NBEAL1: variants seen among roughly 807,000 people sequenced by gnomAD.
NBEAL1 encodes neurobeachin like 1.
In NBEAL1, 273 loss-of-function variants were observed where a neutral mutation model predicts 351.3. That is an observed-to-expected ratio of 0.78 (90% CI 0.70 to 0.86). NBEAL1 has a LOEUF of 0.86. Among genes scored for constraint, NBEAL1 ranks in the 40% least tolerant of loss-of-function variants. The pLI is 0.00. For missense variants in NBEAL1, 2,961 were observed against 3,201.3 expected (o/e 0.92, Z 1.81); for synonymous variants, 1,050 against 1,086.4 (o/e 0.97, Z 0.66).
At chr2:203,104,575 A>T (rs2062393649) in intron 12 of NBEAL1, among the ~76,000 whole-genome samples, 2 of 152,238 alleles carry the variant, frequency 1.3e-5, no homozygotes, top group South Asian at 4.1e-4. Context: ...ATTTGATCCT[A>T]CTGCCATATT....
At chr2:203,133,183 G>A (rs2063114672) in intron 27 of NBEAL1, 37 bp downstream of exon 27, 3 of 892,142 alleles carry the variant, frequency 3.4e-6, no homozygotes, top group Non-Finnish European at 5.1e-6. Flanking sequence ...AATGATAGCA[G>A]CATCACCATC....
At chr2:203,090,405 T>C (rs1251582101) in intron 10 of NBEAL1, among the ~76,000 whole-genome samples, 2 of 152,202 alleles carry the variant, frequency 1.3e-5, no homozygotes, top group Non-Finnish European at 2.9e-5. Flanking sequence ...TGTTCATGTG[T>C]ACCCATTGAT....
intron 2 of NBEAL1, among the ~76,000 whole-genome samples, chr2:203,036,911 G>A (rs1320739397): frequency 6.7e-6 from 1 of 148,952 alleles, no homozygotes; most frequent in South Asian, 2.1e-4. Flanking sequence ...CTGCTGTATC[G>A]GAGAGGAACA....
chr2:203,202,169 A>T (rs1650148630), intron 50 of NBEAL1, among the ~76,000 whole-genome samples: 1 of 152,166 alleles, frequency 6.6e-6, no homozygotes, highest in African/African-American at 2.4e-5. Context: ...TTTCTAATAA[A>T]CCTGTTAGGG....
intron 44 of NBEAL1, among the ~76,000 whole-genome samples, chr2:203,186,197 A>G (rs1316200428): frequency 6.6e-6 from 1 of 152,182 alleles, no homozygotes; most frequent in Non-Finnish European, 1.5e-5. Flanking sequence ...TCTGGCAGCA[A>G]CTCAGATTTG....
chr2:203,198,490 G>A (rs548662178), intron 48 of NBEAL1, among the ~76,000 whole-genome samples: 2 of 152,078 alleles, frequency 1.3e-5, no homozygotes, highest in African/African-American at 4.8e-5. Context: ...TGGTAAGACT[G>A]GTCCCTGAAT....
At chr2:203,098,510 A>G (rs1197721439) in intron 11 of NBEAL1, among the ~76,000 whole-genome samples, 5 of 152,188 alleles carry the variant, frequency 3.3e-5, no homozygotes, top group Non-Finnish European at 7.4e-5. Context: ...TTACAATTCC[A>G]AATTGTAAGT....
chr2:203,171,416 G>A (rs536109099), intron 39 of NBEAL1, among the ~76,000 whole-genome samples: 1 of 152,208 alleles, frequency 6.6e-6, no homozygotes, highest in South Asian at 2.1e-4. Flanking sequence ...ACCAGCCTGG[G>A]CAACAAAGCA....
chr2:203,168,958 G>A, intron 38 of NBEAL1, among the ~76,000 whole-genome samples: 1 of 148,068 alleles, frequency 6.8e-6, no homozygotes. Flanking sequence ...GAAACTATAA[G>A]TGAATTTTAT....
At chr2:203,070,652 G>C (rs571733525) in intron 7 of NBEAL1, among the ~76,000 whole-genome samples, 6 of 152,282 alleles carry the variant, frequency 3.9e-5, no homozygotes, top group Admixed American at 3.9e-4. Context: ...CTCTGCTTCT[G>C]GGGAAGCCTC....
Position 203,201,693 on chromosome 2 carries a change from C to G in NBEAL1, c.7389C>G (p.Ile2463Met), listed in dbSNP as rs757817387. 13 of 1,602,740 alleles carry G rather than the reference C, an allele frequency of 8.1e-6. No homozygotes were observed. In the East Asian group the frequency reaches 2.9e-4, roughly 36 times the overall value. Reference sequence around the variant, plus strand: ...TGTCACTTACAAAAGGCAAAATTATCTCACACATCATCCGGCATATGGGTA... The same window carrying G: ...TGTCACTTACAAAAGGCAAAATTATGTCACACATCATCCGGCATATGGGTA... ...QVMSLTKGKI[I>M]SHIIRHMDIV... Residue 2463 changes from isoleucine to methionine, a missense_variant, in exon 50 of 56, where the codon ATC (isoleucine) becomes ATG (methionine). Transcript: ENST00000683969.
In NBEAL1 at chr2:203,028,510, A is replaced by C. The variant is rs536019540; in HGVS notation, c.51+12075A>C. On this transcript the variant is annotated intron_variant, in intron 2 of 55. Transcript: ENST00000683969. The stretch of plus-strand genomic sequence containing the variant: ...CTTTATGGATGTGTAAATTAATTAC[A>C]TTTACTACTACAAATTATTAATATA... Among the ~76,000 whole-genome samples the C allele has an allele frequency of 1.1e-4, 17 of 151,884 alleles. No individual in the cohort carries two copies. In the South Asian group the frequency reaches 3.5e-3, roughly 31 times the overall value.
intron 46 of NBEAL1, among the ~76,000 whole-genome samples, chr2:203,192,681 C>T (rs1031804954): frequency 7.2e-5 from 11 of 152,070 alleles, no homozygotes; most frequent in East Asian, 1.9e-4. Context: ...CCACCGCACC[C>T]GATCTAAAAG....
chr2:203,108,517 G>A (rs2062490298), intron 14 of NBEAL1, among the ~76,000 whole-genome samples: 1 of 151,650 alleles, frequency 6.6e-6, no homozygotes, highest in South Asian at 2.1e-4. Flanking sequence ...TCCTGCCTTA[G>A]CCTCCCAAGT....
chr2:203,093,100 T>C (rs1179267485), intron 10 of NBEAL1, among the ~76,000 whole-genome samples: 1 of 151,532 alleles, frequency 6.6e-6, no homozygotes, highest in Non-Finnish European at 1.5e-5. Flanking sequence ...GCCGTGGTGG[T>C]ACATGCCTGT....
In NBEAL1 at chr2:203,132,950, A is replaced by T. The variant is rs2063106999; in HGVS notation, c.3725-108A>T. On this transcript the variant is annotated intron_variant, in intron 26 of 55. Transcript: ENST00000683969. ...AAATTTGAACATACCTATAATTCAT[A>T]TTTTAAAATGAAATAATTATTTCAG... The T allele has an allele frequency of 5.4e-5, 33 of 615,056 alleles. No individual in the cohort carries two copies. The South Asian group carries it at 7.0e-4, about 13-fold the overall frequency. The allele number at this position is 615,056 out of a possible 1,614,324, so 38.1% of individuals were successfully genotyped here.
intron 35 of NBEAL1, among the ~76,000 whole-genome samples, chr2:203,157,256 C>T (rs1032044798): frequency 3.9e-5 from 6 of 152,086 alleles, no homozygotes; most frequent in Admixed American, 1.3e-4. Flanking sequence ...TAAACACTTT[C>T]GCTCTTGGTC....
At chr2:203,135,560 T>C (rs2063180994) in intron 27 of NBEAL1, 117 bp from the exon 28 acceptor site, 1 of 660,244 alleles carries the variant, frequency 1.5e-6, no homozygotes, top group South Asian at 2.6e-5. Flanking sequence ...TTTGAAAGTA[T>C]ATTCTTCTAT....
intron 44 of NBEAL1, 111 bp downstream of exon 44, chr2:203,183,499 T>G (rs1244864861): frequency 4.9e-6 from 3 of 618,490 alleles, no homozygotes; most frequent in Non-Finnish European, 8.4e-6. Context: ...TGTAATCTAT[T>G]ATATATGCTG....
Sources: gnomAD v4.1 joint callset for allele counts (sites outside exome capture counted in the v4.1 genomes callset) on GRCh38, gnomAD v4.1.1 for gene constraint, MANE v1.5 for transcripts, NCBI Gene and HGNC (gene_info 2026-07-23, HGNC 2026-07-21) for gene names.